The following CSMD1 variants were observed in gnomAD, a reference collection of about 807,000 sequenced individuals.
The protein encoded by CSMD1 is CUB and sushi domain-containing protein 1.
CSMD1 carries 213 observed loss-of-function variants against 417.5 expected under a neutral mutation model. That is an observed-to-expected ratio of 0.51 (90% CI 0.46 to 0.57). The LOEUF (loss-of-function observed/expected upper bound fraction) is 0.57. Among genes scored for constraint, CSMD1 ranks in the 20% least tolerant of loss-of-function variants. The probability of loss-of-function intolerance (pLI) is 0.00; values close to 1 mark genes in which losing one functional copy is unlikely to be tolerated. For synonymous variants in CSMD1, 2,862 were observed against 1,736.8 expected, an observed-to-expected ratio of 1.65 and a Z score of -16.11; for missense variants, 6,923 against 4,529.7, an observed-to-expected ratio of 1.53 and a Z score of -15.17.
intron 7 of CSMD1, among the ~76,000 whole-genome samples, chr8:3,652,590 A>G (rs916499510): frequency 6.6e-6 from 1 of 152,240 alleles, no homozygotes; most frequent in African/African-American, 2.4e-5. Context: ...CATGTCGTAC[A>G]CGGTGACAGG....
chr8:3,153,846 T>C lies in CSMD1; in HGVS notation c.5915-2333A>G, dbSNP rs543630305. ...AAACATGCATCAATCACCTAATTAC[T>C]TGAGAGCTTAGTTAAAACCACGGTA... On this transcript the variant is annotated intron_variant, in intron 39 of 69. Coordinates refer to ENST00000635120, the MANE Select transcript of CSMD1 (RefSeq NM_033225.6). Among the ~76,000 whole-genome samples the C allele has an allele frequency of 1.4e-4, 22 of 152,326 alleles. No individual in the cohort carries two copies. The East Asian group carries it at 4.3e-3, about 29-fold the overall frequency.
intron 37 of CSMD1, among the ~76,000 whole-genome samples, chr8:3,173,640 GTCCT>G (rs1368275574): frequency 6.6e-6 from 1 of 152,156 alleles, no homozygotes; most frequent in Non-Finnish European, 1.5e-5. Flanking sequence ...GGTTTATATG[GTCCT>G]TCCTCTGTTG....
At chr8:4,663,020 T>G (rs1267145569) in intron 1 of CSMD1, among the ~76,000 whole-genome samples, 1 of 152,224 alleles carries the variant, frequency 6.6e-6, no homozygotes, top group Non-Finnish European at 1.5e-5. Flanking sequence ...TTGATTTCCC[T>G]GAAAAATCTC....
chr8:3,435,092 G>C (rs993374104), intron 12 of CSMD1, among the ~76,000 whole-genome samples: 1 of 152,144 alleles, frequency 6.6e-6, no homozygotes, highest in Non-Finnish European at 1.5e-5. Context: ...ATCCATGGAA[G>C]AGAGACGGAG....
chr8:3,623,437 C>G (rs745869074), intron 7 of CSMD1, among the ~76,000 whole-genome samples: 1 of 152,108 alleles, frequency 6.6e-6, no homozygotes, highest in Admixed American at 6.6e-5. Context: ...GCAACGACAT[C>G]TATGACAGAG....
At chr8:4,793,032 A>C (rs946521507) in intron 1 of CSMD1, among the ~76,000 whole-genome samples, 2 of 151,930 alleles carry the variant, frequency 1.3e-5, no homozygotes, top group African/African-American at 2.4e-5. Flanking sequence ...ATAAGCCATT[A>C]AGCCATTGCA....
intron 10 of CSMD1, among the ~76,000 whole-genome samples, chr8:3,537,414 T>C (rs561275155): frequency 6.6e-6 from 1 of 152,336 alleles, no homozygotes; most frequent in East Asian, 1.9e-4. Flanking sequence ...ACACAAATAC[T>C]ACACCTGTTG....
Position 3,286,730 on chromosome 8 carries a change from G to C in CSMD1, c.3951-2384C>G, listed in dbSNP as rs192936594. 2.0e-4 allele frequency among the ~76,000 whole-genome samples: 30 copies of C among 152,118 alleles called. 1 individual carries two copies. In the East Asian group the frequency reaches 5.4e-3, roughly 27 times the overall value. ...TGTAGATTCTGGTTATTAGCCCTTTGTCAGATGAGTAGATTGCAAAAATTT... is the reference window on the plus strand; with the variant it reads ...TGTAGATTCTGGTTATTAGCCCTTTCTCAGATGAGTAGATTGCAAAAATTT... On this transcript the variant is annotated intron_variant, in intron 25 of 69. Transcript: ENST00000635120.
intron 7 of CSMD1, among the ~76,000 whole-genome samples, chr8:3,684,531 A>C (rs1401723087): frequency 6.6e-6 from 1 of 150,938 alleles, no homozygotes. Context: ...CTGGCCATCT[A>C]GAAACAAATG....
At chr8:3,999,527 G>C (rs976285391) in intron 4 of CSMD1, among the ~76,000 whole-genome samples, 2 of 152,164 alleles carry the variant, frequency 1.3e-5, no homozygotes, top group South Asian at 2.1e-4. Flanking sequence ...CAGTAAGAGG[G>C]TGATATAGGT....
At chr8:4,007,561 T>C (rs2130409724) in intron 4 of CSMD1, among the ~76,000 whole-genome samples, 1 of 152,256 alleles carries the variant, frequency 6.6e-6, no homozygotes, top group South Asian at 2.1e-4. Flanking sequence ...TCCTGTATGC[T>C]TACCTCTCGG....
chr8:3,947,959 A>T (rs1053204336), intron 5 of CSMD1, among the ~76,000 whole-genome samples: 1 of 152,210 alleles, frequency 6.6e-6, no homozygotes, highest in African/African-American at 2.4e-5. Context: ...TAATCCCAGC[A>T]CTTTGGGAGG....
chr8:4,405,584 G>C (rs781743974), intron 3 of CSMD1, among the ~76,000 whole-genome samples: 1 of 152,052 alleles, frequency 6.6e-6, no homozygotes, highest in East Asian at 1.9e-4. Context: ...TATACAAAAC[G>C]TGAGTTTGTT....
chr8:3,717,474 T>G (rs887759487), intron 6 of CSMD1, among the ~76,000 whole-genome samples: 9 of 152,188 alleles, frequency 5.9e-5, no homozygotes, highest in Non-Finnish European at 1.0e-4. Flanking sequence ...AAGATATTGT[T>G]GTAGGACGTT....
At chr8:4,734,415 C>A (rs1223689223) in intron 1 of CSMD1, among the ~76,000 whole-genome samples, 2 of 151,420 alleles carry the variant, frequency 1.3e-5, no homozygotes, top group South Asian at 2.1e-4. Flanking sequence ...TTTAGTGAGT[C>A]CCTGAAAAAA....
chr8:3,792,258 A>G (rs552691577), intron 5 of CSMD1, among the ~76,000 whole-genome samples: 3 of 152,066 alleles, frequency 2.0e-5, no homozygotes, highest in African/African-American at 4.8e-5. Flanking sequence ...GTGCCACTAC[A>G]TGCCAGCCTG....
chr8:4,726,583 G>A (rs1362378330), intron 1 of CSMD1, among the ~76,000 whole-genome samples: 4 of 152,128 alleles, frequency 2.6e-5, no homozygotes, highest in South Asian at 2.1e-4. Context: ...CAGGTGAGAC[G>A]TCTAGGGCCT....
intron 5 of CSMD1, among the ~76,000 whole-genome samples, chr8:3,835,824 A>G (rs1208907175): frequency 6.6e-6 from 1 of 151,600 alleles, no homozygotes; most frequent in East Asian, 1.9e-4. Flanking sequence ...TCAGTCTAGG[A>G]GTTCTTCTGT....
intron 2 of CSMD1, among the ~76,000 whole-genome samples, chr8:4,608,154 G>C (rs186025662): frequency 6.6e-6 from 1 of 152,144 alleles, no homozygotes; most frequent in African/African-American, 2.4e-5. Context: ...CATTAGAGGG[G>C]ACCCTAGGAG....
Sources: allele counts gnomAD v4.1 joint callset (sites outside exome capture counted in the v4.1 genomes callset), GRCh38; gene constraint gnomAD v4.1.1; transcripts MANE v1.5; gene names NCBI Gene and HGNC (gene_info 2026-07-23, HGNC 2026-07-21).